HELZ: variants seen among roughly 807,000 people sequenced by gnomAD.
HELZ encodes ATP-dependent RNA helicase with zinc finger domain.
HELZ carries 23 observed loss-of-function variants against 218.2 expected under a neutral mutation model. That is an observed-to-expected ratio of 0.11 (90% CI 0.08 to 0.15). HELZ has a LOEUF of 0.15. HELZ is among the 10% of genes least tolerant of loss of function. The pLI is 1.00. For missense variants in HELZ, 1,813 were observed against 2,353.7 expected (o/e 0.77, Z 4.75); for synonymous variants, 814 against 829.4 (o/e 0.98, Z 0.32).
intron 6 of HELZ, among the ~76,000 whole-genome samples, chr17:67,201,398 T>C (rs114896596): frequency 0.011 from 1,605 of 152,294 alleles, 30 homozygotes; most frequent in African/African-American, 0.036. Context: ...CAGAATGCCT[T>C]TTCTGGTAAG....
intron 22 of HELZ, among the ~76,000 whole-genome samples, chr17:67,136,581 T>A (rs760621257): frequency 6.6e-6 from 1 of 152,226 alleles, no homozygotes; most frequent in Non-Finnish European, 1.5e-5. Flanking sequence ...ATCAACAGAA[T>A]GTGGCATATA....
chr17:67,135,529 C>T (rs1398715377), intron 23 of HELZ, among the ~76,000 whole-genome samples: 6 of 152,168 alleles, frequency 3.9e-5, no homozygotes, highest in African/African-American at 1.2e-4. Flanking sequence ...TAGTCTGCAC[C>T]GTCCTCATCA....
At chr17:67,238,690 A>C (rs2041249353) in intron 3 of HELZ, among the ~76,000 whole-genome samples, 1 of 152,250 alleles carries the variant, frequency 6.6e-6, no homozygotes, top group South Asian at 2.1e-4. Context: ...CCGTCTCAAA[A>C]AAATAATAAT....
chr17:67,098,572 T>TAAAA (rs770393293), intron 31 of HELZ, among the ~76,000 whole-genome samples: 1 of 123,974 alleles, frequency 8.1e-6, no homozygotes, highest in Admixed American at 8.0e-5. Flanking sequence ...CCGTCTCTAC[T>TAAAA]AAAAAAAAAA....
intron 4 of HELZ, 60 bp from the exon 5 acceptor site, chr17:67,215,995 G>T: frequency 1.1e-6 from 1 of 946,602 alleles, no homozygotes; most frequent in Non-Finnish European, 1.7e-6. Flanking sequence ...TAACAGAGAT[G>T]TTGTCAAAGG....
chr17:67,097,382 G>A (rs969420847), intron 31 of HELZ, among the ~76,000 whole-genome samples: 2 of 152,122 alleles, frequency 1.3e-5, no homozygotes, highest in African/African-American at 4.8e-5. Context: ...TCTGTGAAAT[G>A]CAATAAAGCA....
At chr17:67,083,104 G>A (rs973752060) in intron 32 of HELZ, among the ~76,000 whole-genome samples, 1 of 151,698 alleles carries the variant, frequency 6.6e-6, no homozygotes, top group African/African-American at 2.4e-5. Flanking sequence ...TGATCCACTC[G>A]CTTCGGCCTC....
At chr17:67,134,193 G>C (rs1271591966) in intron 23 of HELZ, among the ~76,000 whole-genome samples, 1 of 152,154 alleles carries the variant, frequency 6.6e-6, no homozygotes, top group Admixed American at 6.5e-5. Context: ...AGACCAGCCT[G>C]ACCAACATGG....
intron 3 of HELZ, among the ~76,000 whole-genome samples, chr17:67,238,310 G>A (rs559437153): frequency 7.3e-6 from 1 of 136,640 alleles, no homozygotes; most frequent in South Asian, 2.3e-4. Flanking sequence ...TTGCACCACT[G>A]CACTCCAGCC....
intron 31 of HELZ, among the ~76,000 whole-genome samples, chr17:67,087,881 G>C (rs2036442199): frequency 6.6e-6 from 1 of 152,158 alleles, no homozygotes; most frequent in Admixed American, 6.5e-5. Flanking sequence ...AGATACTTGT[G>C]ATCAATATTC....
intron 17 of HELZ, among the ~76,000 whole-genome samples, chr17:67,154,888 T>C (rs2038793782): frequency 6.6e-6 from 1 of 152,186 alleles, no homozygotes; most frequent in Non-Finnish European, 1.5e-5. Flanking sequence ...GCATCAAAGT[T>C]AATCATGAAA....
intron 13 of HELZ, among the ~76,000 whole-genome samples, chr17:67,172,131 C>G (rs189070975): frequency 6.6e-6 from 1 of 152,288 alleles, no homozygotes; most frequent in Non-Finnish European, 1.5e-5. Context: ...CCACACCCAG[C>G]CTTGTCTTAC....
At chr17:67,222,573 T>C (rs1216235116) in intron 3 of HELZ, among the ~76,000 whole-genome samples, 1 of 152,164 alleles carries the variant, frequency 6.6e-6, no homozygotes, top group Non-Finnish European at 1.5e-5. Flanking sequence ...GTTTCCAAGA[T>C]CTACCTGAAT....
At chr17:67,111,116 C>T (rs905062841) in intron 28 of HELZ, among the ~76,000 whole-genome samples, 1 of 152,200 alleles carries the variant, frequency 6.6e-6, no homozygotes, top group African/African-American at 2.4e-5. Context: ...AGAGCTATAA[C>T]TTCACTTGTT....
At chr17:67,141,475 ATATAGG>A (rs1367600067) in intron 21 of HELZ, among the ~76,000 whole-genome samples, 12 of 151,716 alleles carry the variant, frequency 7.9e-5, no homozygotes, top group Non-Finnish European at 1.8e-4. Flanking sequence ...AGTTTGTTAT[ATATAGG>A]TATATTATAT....
intron 21 of HELZ, among the ~76,000 whole-genome samples, chr17:67,138,330 A>G (rs1186249852): frequency 6.6e-6 from 1 of 152,206 alleles, no homozygotes; most frequent in Non-Finnish European, 1.5e-5. Context: ...AAATTCTCCA[A>G]TAATACAACC....
chr17:67,157,323 G>A, intron 17 of HELZ, among the ~76,000 whole-genome samples: 1 of 152,176 alleles, frequency 6.6e-6, no homozygotes, highest in Non-Finnish European at 1.5e-5. Context: ...AGAAACTGAA[G>A]TTCTAAGTCT....
chr17:67,143,276 C>T (rs2038389952), intron 21 of HELZ, among the ~76,000 whole-genome samples: 1 of 151,994 alleles, frequency 6.6e-6, no homozygotes, highest in South Asian at 2.1e-4. Context: ...GGTTATTATC[C>T]ATAGCTCCTC....
Position 67,074,252 on chromosome 17 carries a change from A to G in HELZ, c.*4000T>C, listed in dbSNP as rs958198465. The G allele has an allele frequency of 8.5e-5, 2 of 23,470 alleles. No homozygotes were observed. Among genetic ancestry groups the G allele is most frequent in the Non-Finnish European group, 1.3e-4 (2 of 14,854 alleles). The allele number at this position is 23,470 out of a possible 1,614,324, so 1.5% of individuals were successfully genotyped here. ...TTACTACCATTGAGGAGCTGGAGGG[A>G]AAAAAAAAAACACAATGGCTAGCTT... On this transcript the variant is annotated 3_prime_UTR_variant, in exon 33 of 33. Coordinates refer to ENST00000358691, the MANE Select transcript of HELZ (RefSeq NM_014877.4).
Sources: allele counts gnomAD v4.1 joint callset (sites outside exome capture counted in the v4.1 genomes callset), GRCh38; gene constraint gnomAD v4.1.1; transcripts MANE v1.5; gene names NCBI Gene and HGNC (gene_info 2026-07-23, HGNC 2026-07-21).